NECTIN1: variants seen among roughly 807,000 people sequenced by gnomAD.
The protein encoded by NECTIN1 is nectin-1.
In NECTIN1, 23 loss-of-function variants were observed where a neutral mutation model predicts 48.0. The observed-to-expected ratio is 0.48, with a 90% CI of 0.34 to 0.68. The LOEUF (loss-of-function observed/expected upper bound fraction) is 0.68. Ranked by LOEUF, NECTIN1 falls within the 30% of genes least tolerant of loss-of-function variation. The pLI is 0.01. For missense variants in NECTIN1, 591 were observed against 709.9 expected (o/e 0.83, Z 1.90); for synonymous variants, 270 against 288.9 (o/e 0.93, Z 0.66).
chr11:119,645,364 A>C (rs1215191875), intron 5 of NECTIN1, among the ~76,000 whole-genome samples: 1 of 152,112 alleles, frequency 6.6e-6, no homozygotes, highest in Non-Finnish European at 1.5e-5. Context: ...CAGCGGTCTC[A>C]CTGCTGGGAG....
At chr11:119,706,529 C>T (rs931457752) in intron 1 of NECTIN1, among the ~76,000 whole-genome samples, 1 of 152,196 alleles carries the variant, frequency 6.6e-6, no homozygotes, top group African/African-American at 2.4e-5. Context: ...ACGCATTGCA[C>T]CCTTGGAGTA....
Position 119,672,695 on chromosome 11 carries a change from CAG to C in NECTIN1, c.1003+2462_1003+2463del, listed in dbSNP as rs1488099520. On this transcript the variant is annotated intron_variant, in intron 5 of 5. Transcript: ENST00000264025. The surrounding 1 kb of genome is among the most constrained non-coding windows in gnomAD (Gnocchi z 4.3). Reference sequence around the variant, plus strand: ...CCCTTCAGAGACTCCCTGTGGCCAACAGAGAGAAGGCCTTGCTCCTTCCTCCC... The same window carrying C: ...CCCTTCAGAGACTCCCTGTGGCCAACAGAGAAGGCCTTGCTCCTTCCTCCC... Among the ~76,000 whole-genome samples, 1 of 152,198 alleles carries C rather than the reference CAG, an allele frequency of 6.6e-6. No homozygotes were observed. The highest frequency in any genetic ancestry group is 2.4e-5 in the African/African-American group (1 of 41,438).
chr11:119,657,613 T>TAAA (rs1565379944), downstream of NECTIN1, among the ~76,000 whole-genome samples: 214 of 37,250 alleles, frequency 5.7e-3, 3 homozygotes, highest in African/African-American at 0.014. Flanking sequence ...GACTTTGTCT[T>TAAA]TAAAAAAAAA....
At chr11:119,674,388 G>T (rs562359570) in intron 5 of NECTIN1, 13 of 1,501,450 alleles carry the variant, frequency 8.7e-6, no homozygotes, top group African/African-American at 4.2e-5. Context: ...GGAGGTCAGG[G>T]TAATAATCAC....
downstream of NECTIN1, among the ~76,000 whole-genome samples, chr11:119,660,425 A>AC (rs1286241567): frequency 6.6e-6 from 1 of 151,936 alleles, no homozygotes; most frequent in East Asian, 1.9e-4. Flanking sequence ...GGGGTGGGTC[A>AC]CAGGGAGAGC....
At chr11:119,656,616 G>A (rs1864578063), downstream of NECTIN1, among the ~76,000 whole-genome samples, 3 of 152,110 alleles carry the variant, frequency 2.0e-5, no homozygotes, top group South Asian at 6.2e-4. Flanking sequence ...CAGGCTGGGG[G>A]ACCCTGGCCA....
At chr11:119,638,631 G>T in intron 7 of NECTIN1, 1 of 1,104,826 alleles carries the variant, frequency 9.1e-7, no homozygotes. Context: ...TGAAGGCGTG[G>T]CGGCTCTGTC....
chr11:119,677,504 A>C lies in NECTIN1; in HGVS notation c.733+51T>G. ...AGGAGAAAGGAGAGGAGGAGGGAGG[A>C]GGGACAGTGGCGCCCACCCCAGGAG... On this transcript the variant is annotated intron_variant, in intron 3 of 5. Transcript: ENST00000264025. The surrounding 1 kb of genome is among the most constrained non-coding windows in gnomAD (Gnocchi z 5.4). The C allele has an allele frequency of 2.5e-6, 4 of 1,580,624 alleles. No individual in the cohort carries two copies. The highest frequency in any genetic ancestry group is 2.6e-6 in the Non-Finnish European group (3 of 1,151,834).
At chr11:119,692,175 A>G (rs1373081359) in intron 1 of NECTIN1, among the ~76,000 whole-genome samples, 3 of 152,110 alleles carry the variant, frequency 2.0e-5, no homozygotes, top group African/African-American at 7.2e-5. Context: ...CCCCGCTTCC[A>G]GCTCAGACTT....
chr11:119,677,477 G>C lies in NECTIN1; in HGVS notation c.733+78C>G. Reference sequence around the variant, plus strand: ...AGAAAGCACCCCCAGAAAGAGAAAGGGAGGAGAAAGGAGAGGAGGAGGGAG... The same window carrying C: ...AGAAAGCACCCCCAGAAAGAGAAAGCGAGGAGAAAGGAGAGGAGGAGGGAG... On this transcript the variant is annotated intron_variant, in intron 3 of 5. Coordinates refer to ENST00000264025, the MANE Select transcript of NECTIN1 (RefSeq NM_002855.5). This position sits in a 1 kb window ranked among gnomAD's most constrained non-coding sequence, Gnocchi z 5.4. 1 of 1,498,922 alleles carries C rather than the reference G, an allele frequency of 6.7e-7. No homozygotes were observed. 92.9% of individuals were successfully genotyped at this position (1,498,922 alleles called of 1,614,324 possible).
chr11:119,706,381 A>C (rs1417345887), intron 1 of NECTIN1, among the ~76,000 whole-genome samples: 2 of 152,160 alleles, frequency 1.3e-5, no homozygotes, highest in African/African-American at 4.8e-5. Context: ...TGTGACTCCC[A>C]GTGGAGAAAG....
intron 1 of NECTIN1, among the ~76,000 whole-genome samples, chr11:119,697,081 T>A (rs1865353185): frequency 6.6e-6 from 1 of 151,806 alleles, no homozygotes; most frequent in Non-Finnish European, 1.5e-5. Flanking sequence ...TGCGAGCAGC[T>A]CAGGGAAAGG....
chr11:119,696,149 C>T (rs1865337704), intron 1 of NECTIN1, among the ~76,000 whole-genome samples: 1 of 152,074 alleles, frequency 6.6e-6, no homozygotes, highest in African/African-American at 2.4e-5. Context: ...GGGGTCTTGC[C>T]TAGGTTGGTC....
At chr11:119,668,481 C>T (rs544563998) in intron 5 of NECTIN1, among the ~76,000 whole-genome samples, 4 of 152,196 alleles carry the variant, frequency 2.6e-5, no homozygotes, top group Non-Finnish European at 5.9e-5. Flanking sequence ...GGTCAACTCA[C>T]CTTCCTTGCT....
rs142998118 is a variant in NECTIN1, at chr11:119,724,769, C to G, written c.79+3706G>C. On this transcript the variant is annotated intron_variant, in intron 1 of 5. Transcript: ENST00000264025. ...CACACAGTGAATGGTAGATCACCAACACAAACACCAAAGCCCTGTATACCT... is the reference window on the plus strand; with the variant it reads ...CACACAGTGAATGGTAGATCACCAAGACAAACACCAAAGCCCTGTATACCT... 4.0e-3 allele frequency among the ~76,000 whole-genome samples: 604 copies of G among 152,326 alleles called. 2 individuals are homozygous for G. The highest frequency in any genetic ancestry group is 0.014 in the African/African-American group (572 of 41,560).
chr11:119,667,483 G>A (rs1382478169), intron 5 of NECTIN1, among the ~76,000 whole-genome samples: 1 of 152,240 alleles, frequency 6.6e-6, no homozygotes, highest in Non-Finnish European at 1.5e-5. Context: ...AACAGGCAGG[G>A]AAGTGCAGGG....
At position 119,728,640 on chromosome 11, in the gene NECTIN1, T is replaced by G. The variant is rs1490568640; in HGVS notation, c.-87A>C. ...AGCCCGGAAGATGAGGGAAGATCGC[T>G]GGCGGTCGGCGGGCGCTCGAAGGAT... On this transcript the variant is annotated 5_prime_UTR_variant, in exon 1 of 6. Transcript: ENST00000264025. 2 of 561,108 alleles carry G rather than the reference T, an allele frequency of 3.6e-6. No individual in the cohort carries two copies. Among genetic ancestry groups the G allele is most frequent in the Non-Finnish European group, 4.8e-6 (2 of 414,334 alleles). 34.8% of individuals were successfully genotyped at this position (561,108 alleles called of 1,614,324 possible). A position where few individuals can be genotyped will look rare whatever the true frequency, so the allele number is the denominator to read the frequency against.
intron 1 of NECTIN1, among the ~76,000 whole-genome samples, chr11:119,687,093 G>T (rs1044836239): frequency 6.6e-6 from 1 of 152,046 alleles, no homozygotes; most frequent in South Asian, 2.1e-4. Context: ...GTCAGGGTCC[G>T]AATCTTCTCC....
intron 5 of NECTIN1, chr11:119,654,167 C>T (rs977443060): frequency 6.6e-6 from 1 of 152,094 alleles, no homozygotes; most frequent in African/African-American, 2.4e-5. Context: ...AATAGGCAGC[C>T]CAAGTACAGA....
Sources: gnomAD v4.1 joint callset for allele counts (sites outside exome capture counted in the v4.1 genomes callset) on GRCh38, gnomAD v4.1.1 for gene constraint, Gnocchi (gnomAD v3.1) non-coding constraint, MANE v1.5 for transcripts, NCBI Gene and HGNC (gene_info 2026-07-23, HGNC 2026-07-21) for gene names.